Variants in ZNF292 observed in about 807,000 individuals in gnomAD.
ZNF292 encodes 16 zinc-finger domain protein.
A neutral mutation model predicts 217.9 loss-of-function variants in ZNF292; 26 were observed. The observed-to-expected ratio is 0.12, with a 90% CI of 0.09 to 0.17. ZNF292 has a LOEUF of 0.17. Ranked by LOEUF, ZNF292 falls within the 10% of genes least tolerant of loss-of-function variation. The pLI is 1.00. For missense variants in ZNF292, 2,904 were observed against 3,175.2 expected (o/e 0.91, Z 2.05); for synonymous variants, 1,257 against 1,124.1 (o/e 1.12, Z -2.37).
Position 87,255,255 on chromosome 6 carries a change from G to A in ZNF292, c.1626G>A (p.Gln542=), listed in dbSNP as rs182042752. The stretch of plus-strand genomic sequence containing the variant: ...TTAGGAATTGGCAAGCCTACATGCA[G>A]TATTGTGTGTTGTGTGACAAAGAAT... ...ARFRNWQAYM[Q]YCVLCDKEFL... The change falls in exon 8 of 8, where the codon CAG becomes CAA. Residue 542 remains glutamine, a synonymous_variant. Transcript: ENST00000369577. 1.9e-6 allele frequency: 3 copies of A among 1,613,902 alleles called. No individual in the cohort carries two copies. In the East Asian group the frequency reaches 6.7e-5, roughly 36 times the overall value.
chr6:87,240,848 A>G (rs184448817), intron 5 of ZNF292, among the ~76,000 whole-genome samples: 1 of 152,384 alleles, frequency 6.6e-6, no homozygotes, highest in African/African-American at 2.4e-5. Context: ...ATATGAATAT[A>G]TGGCCTTAGT....
intron 1 of ZNF292, among the ~76,000 whole-genome samples, chr6:87,184,092 A>G (rs1444804430): frequency 6.6e-6 from 1 of 152,258 alleles, no homozygotes; most frequent in Non-Finnish European, 1.5e-5. Context: ...GTAGAGTCAC[A>G]TTTACTAAAA....
Position 87,255,493 on chromosome 6 carries a change from C to A in ZNF292, c.1864C>A (p.Gln622Lys). The stretch of plus-strand genomic sequence containing the variant: ...AAAGATCACAACTACCAATGAAAAT[C>A]AGAAGACTAATACTGTGGCTAAACA... ...PPKITTTNEN[Q>K]KTNTVAKQEQ... is the part of the protein sequence containing the mutation. The change falls in exon 8 of 8, where the codon CAG becomes AAG. Residue 622 changes from glutamine to lysine, a missense_variant. Gln to Lys is a moderately conservative substitution (Grantham distance 53). This residue lies in a region of ZNF292 where 216 missense variants were observed against 308.3 expected (regional missense o/e 0.70). Transcript: ENST00000369577. The A allele has an allele frequency of 6.2e-7, 1 of 1,613,320 alleles. No individual in the cohort carries two copies. The highest frequency in any genetic ancestry group is 8.5e-7 in the Non-Finnish European group (1 of 1,179,642).
rs934954712 is a variant in ZNF292, at chr6:87,265,144, G to A, written c.*3343G>A. Among the ~76,000 whole-genome samples the A allele has an allele frequency of 2.4e-4, 36 of 150,612 alleles. No homozygotes were observed. The highest frequency in any genetic ancestry group is 8.3e-4 in the African/African-American group (34 of 40,930). On this transcript the variant is annotated 3_prime_UTR_variant, in exon 8 of 8. Transcript: ENST00000369577. ...TTGTTTTTTTTGGAGACAGAGTCTC[G>A]CTCTGTTGCCCAGGCTGGAGTGCAG...
chr6:87,211,767 T>C (rs1348804564), intron 1 of ZNF292, among the ~76,000 whole-genome samples: 1 of 152,192 alleles, frequency 6.6e-6, no homozygotes, highest in Admixed American at 6.5e-5. Flanking sequence ...AGGTTACTCA[T>C]TAATGGAAGC....
At chr6:87,241,020 C>T (rs994109585) in intron 5 of ZNF292, among the ~76,000 whole-genome samples, 1 of 152,332 alleles carries the variant, frequency 6.6e-6, no homozygotes, top group South Asian at 2.1e-4. Context: ...CACCGTGGCT[C>T]ATGCCTGTAA....
intron 1 of ZNF292, among the ~76,000 whole-genome samples, chr6:87,205,392 A>G (rs6913932): frequency 0.54 from 81,281 of 151,802 alleles, 22,190 homozygotes; most frequent in Admixed American, 0.62. Flanking sequence ...GGACTTTTCT[A>G]TAAAAATTGT....
At chr6:87,246,300 C>T (rs1208862239) in intron 7 of ZNF292, among the ~76,000 whole-genome samples, 3 of 152,206 alleles carry the variant, frequency 2.0e-5, no homozygotes, top group African/African-American at 2.4e-5. Flanking sequence ...TGCTAGGTTC[C>T]TCTGCTAGCA....
At chr6:87,237,368 A>G (rs559187443) in intron 5 of ZNF292, among the ~76,000 whole-genome samples, 4 of 152,182 alleles carry the variant, frequency 2.6e-5, no homozygotes, top group African/African-American at 9.6e-5. Context: ...CAGCCTCCCA[A>G]GTAGCTGGGA....
intron 1 of ZNF292, among the ~76,000 whole-genome samples, chr6:87,156,369 G>T (rs535977106): frequency 2.0e-4 from 31 of 152,364 alleles, no homozygotes; most frequent in African/African-American, 6.5e-4. Flanking sequence ...TCGGGAGGGG[G>T]TGCTTGGCGG....
chr6:87,241,216 G>A (rs905618030), intron 5 of ZNF292, among the ~76,000 whole-genome samples: 38 of 152,048 alleles, frequency 2.5e-4, no homozygotes, highest in African/African-American at 8.5e-4. Context: ...CCTGGGAGGC[G>A]GAGGTTGCAG....
chr6:87,259,745 T>C lies in ZNF292; in HGVS notation c.6116T>C (p.Ile2039Thr). ...TQNTHSNVAV[I>T]PEKQLVEKKS... is the part of the protein sequence containing the mutation. ...AATACCCACAGTAATGTAGCAGTGA[T>C]CCCAGAAAAACAACTTGTAGAAAAA... is the stretch of plus-strand genomic sequence containing the variant. The change falls in exon 8 of 8, where the codon ATC (isoleucine) becomes ACC (threonine). Residue 2039 changes from isoleucine (I) to threonine (T), a missense_variant. This residue lies in a region of ZNF292 where 261 missense variants were observed against 272.8 expected (regional missense o/e 0.96). Transcript: ENST00000369577. The C allele has an allele frequency of 6.2e-7, 1 of 1,603,452 alleles. No individual in the cohort carries two copies.
At chr6:87,176,702 C>T (rs963000550) in intron 1 of ZNF292, among the ~76,000 whole-genome samples, 2 of 152,148 alleles carry the variant, frequency 1.3e-5, no homozygotes, top group East Asian at 3.9e-4. Flanking sequence ...ACTTTCTCCT[C>T]AGAAAGTGGT....
intron 4 of ZNF292, 123 bp from the exon 5 acceptor site, chr6:87,233,202 A>C: frequency 1.5e-6 from 1 of 670,924 alleles, no homozygotes; most frequent in Non-Finnish European, 2.5e-6. Flanking sequence ...CCTTACTAGC[A>C]ATAATAGAAA....
intron 1 of ZNF292, among the ~76,000 whole-genome samples, chr6:87,183,778 G>A (rs890077522): frequency 5.9e-5 from 9 of 152,102 alleles, no homozygotes; most frequent in African/African-American, 2.2e-4. Context: ...AAAGAAATAG[G>A]TCACAAAGTG....
At chr6:87,252,416 G>T (rs1000625542) in intron 7 of ZNF292, among the ~76,000 whole-genome samples, 6 of 152,072 alleles carry the variant, frequency 3.9e-5, no homozygotes, top group East Asian at 3.9e-4. Flanking sequence ...GCCTCCCAAA[G>T]TGCAGGGATT....
At chr6:87,238,617 T>C (rs1284448602) in intron 5 of ZNF292, among the ~76,000 whole-genome samples, 2 of 121,412 alleles carry the variant, frequency 1.6e-5, no homozygotes, top group African/African-American at 6.1e-5. Flanking sequence ...TTTTTTTGGT[T>C]TTTTTTTTTC....
At chr6:87,160,509 G>A (rs369954096) in intron 1 of ZNF292, among the ~76,000 whole-genome samples, 1 of 126,930 alleles carries the variant, frequency 7.9e-6, no homozygotes. Flanking sequence ...GTGTGTGTGT[G>A]TGTGTATATA....
rs202055663 is a variant in ZNF292 at position 87,176,893 on chromosome 6, G to T, written c.168+21134G>T. 3.3e-5 allele frequency among the ~76,000 whole-genome samples: 5 copies of T among 152,188 alleles called. No homozygotes were observed. In the East Asian group the frequency reaches 7.7e-4, roughly 23 times the overall value. On this transcript the variant is annotated intron_variant, in intron 1 of 7. Transcript: ENST00000369577. The stretch of plus-strand genomic sequence containing the variant: ...TGGAACTCTTCCTCGTGGATGTTTA[G>T]TAAGTACTTCTAATTAAATATGTCT...
Sources: allele counts gnomAD v4.1 joint callset (sites outside exome capture counted in the v4.1 genomes callset), GRCh38; gene constraint gnomAD v4.1.1; regional missense constraint gnomAD v4.1.1; transcripts MANE v1.5; gene names NCBI Gene and HGNC (gene_info 2026-07-23, HGNC 2026-07-21).